Variants in CDK6 observed in about 807,000 individuals in gnomAD.
The protein encoded by CDK6 is cyclin-dependent kinase 6.
In CDK6, 6 loss-of-function variants were observed where a neutral mutation model predicts 37.1. The ratio of observed to expected loss-of-function variants is 0.16; its 90% CI spans 0.09 to 0.32. The LOEUF (loss-of-function observed/expected upper bound fraction) is 0.32. CDK6 is among the 10% of genes least tolerant of loss of function. CDK6 has a pLI of 1.00. For synonymous variants in CDK6, 160 were observed against 161.3 expected (o/e 0.99, Z 0.06); for missense variants, 224 against 418.9 (o/e 0.53, Z 4.06).
chr7:92,694,795 A>G (rs1199418696), intron 4 of CDK6, among the ~76,000 whole-genome samples: 3 of 152,188 alleles, frequency 2.0e-5, no homozygotes, highest in African/African-American at 7.2e-5. Flanking sequence ...GCCATTTCAG[A>G]AGACATGTCT....
intron 3 of CDK6, among the ~76,000 whole-genome samples, chr7:92,746,828 A>G (rs1799072106): frequency 6.6e-6 from 1 of 152,030 alleles, no homozygotes; most frequent in African/African-American, 2.4e-5. Context: ...CATTTCTCTT[A>G]TTGTAGTGAG....
At chr7:92,758,250 G>A (rs1426279501) in intron 3 of CDK6, among the ~76,000 whole-genome samples, 1 of 152,076 alleles carries the variant, frequency 6.6e-6, no homozygotes, top group Non-Finnish European at 1.5e-5. Flanking sequence ...GTCTTCCAGG[G>A]TTTTTATAGT....
At chr7:92,825,242 G>C (rs940841563) in intron 2 of CDK6, among the ~76,000 whole-genome samples, 5 of 152,028 alleles carry the variant, frequency 3.3e-5, no homozygotes, top group African/African-American at 1.2e-4. Flanking sequence ...GAATGCCAGA[G>C]ACCTCACCTG....
At chr7:92,805,363 A>G (rs1463416435) in intron 2 of CDK6, among the ~76,000 whole-genome samples, 1 of 152,200 alleles carries the variant, frequency 6.6e-6, no homozygotes, top group Non-Finnish European at 1.5e-5. Flanking sequence ...AAAGTCATAC[A>G]GCATTTCTTC....
chr7:92,780,771 A>C (rs1429031364), intron 2 of CDK6, among the ~76,000 whole-genome samples: 3 of 151,466 alleles, frequency 2.0e-5, no homozygotes, highest in African/African-American at 7.3e-5. Flanking sequence ...CTCAAAAAAA[A>C]AAAAAAAACA....
In CDK6 at chr7:92,613,687, CATA is replaced by C. The variant is rs1795610342; in HGVS notation, c.*1450_*1452del. On this transcript the variant is annotated 3_prime_UTR_variant, in exon 8 of 8. Transcript: ENST00000424848. Reference sequence around the variant, plus strand: ...TATGGCCCTAAAACATAGCTAAAGACATACCCTCAGGTAAAGACACTGAAAATA... The same window carrying C: ...TATGGCCCTAAAACATAGCTAAAGACCCCTCAGGTAAAGACACTGAAAATA... 1.3e-5 allele frequency: 3 copies of C among 233,008 alleles called. No homozygotes were observed. The highest frequency in any genetic ancestry group is 6.6e-5 in the African/African-American group (3 of 45,328). 14.4% of individuals were successfully genotyped at this position (233,008 alleles called of 1,614,324 possible). A position where few individuals can be genotyped will look rare whatever the true frequency, so the allele number is the denominator to read the frequency against.
chr7:92,672,184 G>GACACAA (rs1175195840), intron 4 of CDK6, among the ~76,000 whole-genome samples: 2 of 44,138 alleles, frequency 4.5e-5, no homozygotes, highest in African/African-American at 1.3e-4. Flanking sequence ...CACACACACA[G>GACACAA]ACACATACAC....
At position 92,799,372 on chromosome 7, in the gene CDK6, TC is replaced by T. The variant is rs1460208586; in HGVS notation, c.234-24542del. Among the ~76,000 whole-genome samples the T allele has an allele frequency of 3.9e-5, 6 of 152,196 alleles. No individual in the cohort carries two copies. The East Asian group carries it at 1.2e-3, about 29-fold the overall frequency. ...AGATGCCTACTCCTCCCCGAAACTC[TC>T]CCCTCCCATGGCTTCCCTGAGAGTT... On this transcript the variant is annotated intron_variant, in intron 2 of 7. Coordinates refer to ENST00000424848, the MANE Select transcript of CDK6 (RefSeq NM_001145306.2).
At chr7:92,743,609 G>T (rs1336075300) in intron 3 of CDK6, among the ~76,000 whole-genome samples, 3 of 152,040 alleles carry the variant, frequency 2.0e-5, no homozygotes, top group Admixed American at 6.5e-5. Flanking sequence ...TTGTAAAAAG[G>T]TTAACCTCAT....
intron 4 of CDK6, chr7:92,725,194 T>C (rs1038489318): frequency 4.1e-6 from 4 of 985,312 alleles, no homozygotes; most frequent in Non-Finnish European, 4.8e-6. Context: ...TAGCTTCAGA[T>C]GAGTGCATTA....
In CDK6 at chr7:92,670,650, C is replaced by A. The variant is rs2106135; in HGVS notation, c.647+776G>T. ...TATTTCTTGTGACCTGAAAATCAAACAAACGAATCACATGCTCTCTTAGAG... is the reference window on the plus strand; with the variant it reads ...TATTTCTTGTGACCTGAAAATCAAAAAAACGAATCACATGCTCTCTTAGAG... On this transcript the variant is annotated intron_variant, in intron 5 of 7. Transcript: ENST00000424848. Among the ~76,000 whole-genome samples, 107 of 152,246 alleles carry A rather than the reference C, an allele frequency of 7.0e-4. 2 individuals are homozygous for A. The East Asian group carries it at 0.011, about 16-fold the overall frequency.
In CDK6 at chr7:92,671,352, G is replaced by A. The variant is rs1562930774; in HGVS notation, c.647+74C>T. The A allele has an allele frequency of 6.5e-6, 6 of 927,488 alleles. No homozygotes were observed. The East Asian group carries it at 1.7e-4, about 26-fold the overall frequency. The allele number at this position is 927,488 out of a possible 1,614,324, so 57.5% of individuals were successfully genotyped here. On this transcript the variant is annotated intron_variant, in intron 5 of 7. Transcript: ENST00000424848. The stretch of plus-strand genomic sequence containing the variant: ...TGACCCCTAATGATAGAAATGCCAT[G>A]CTGCCACTCAAATTCACAAAGATCC...
At chr7:92,667,814 A>C (rs934928493) in intron 5 of CDK6, among the ~76,000 whole-genome samples, 3 of 152,222 alleles carry the variant, frequency 2.0e-5, no homozygotes, top group South Asian at 2.1e-4. Flanking sequence ...AGCCTCCCAA[A>C]GTGCTGGCAT....
At chr7:92,673,623 C>T (rs1267370798) in intron 4 of CDK6, among the ~76,000 whole-genome samples, 1 of 152,218 alleles carries the variant, frequency 6.6e-6, no homozygotes, top group African/African-American at 2.4e-5. Context: ...CTAGTCACAT[C>T]TATACTGCAC....
chr7:92,813,561 T>C (rs540045343), intron 2 of CDK6, among the ~76,000 whole-genome samples: 2 of 152,312 alleles, frequency 1.3e-5, no homozygotes, highest in South Asian at 2.1e-4. Context: ...GTATGCAAAC[T>C]ACCACATCAA....
intron 5 of CDK6, among the ~76,000 whole-genome samples, chr7:92,656,447 T>C (rs926125630): frequency 2.6e-5 from 4 of 152,188 alleles, no homozygotes; most frequent in African/African-American, 9.6e-5. Flanking sequence ...TTTTGACACA[T>C]CTTACTATTT....
intron 5 of CDK6, among the ~76,000 whole-genome samples, chr7:92,642,341 A>G (rs1796328336): frequency 1.3e-5 from 2 of 152,148 alleles, no homozygotes; most frequent in South Asian, 2.1e-4. Flanking sequence ...GGGGAGAGAT[A>G]TAAGGAGCAC....
At chr7:92,824,562 C>A (rs1208475570) in intron 2 of CDK6, among the ~76,000 whole-genome samples, 1 of 151,954 alleles carries the variant, frequency 6.6e-6, no homozygotes, top group Non-Finnish European at 1.5e-5. Context: ...TATCCAATAC[C>A]CAAATGAAAG....
chr7:92,642,820 C>A (rs926716276), intron 5 of CDK6, among the ~76,000 whole-genome samples: 4 of 151,942 alleles, frequency 2.6e-5, no homozygotes, highest in African/African-American at 9.7e-5. Context: ...GCTCTCATGA[C>A]CACTTCACTA....
Sources: allele counts gnomAD v4.1 joint callset (sites outside exome capture counted in the v4.1 genomes callset), GRCh38; gene constraint gnomAD v4.1.1; transcripts MANE v1.5; gene names NCBI Gene and HGNC (gene_info 2026-07-23, HGNC 2026-07-21).